Variants in PACRG observed in about 807,000 individuals in gnomAD.
PACRG encodes the protein parkin coregulated.
In PACRG, 29 loss-of-function variants were observed where a neutral mutation model predicts 29.7. The observed-to-expected ratio is 0.98, with a 90% CI of 0.73 to 1.33. The LOEUF (loss-of-function observed/expected upper bound fraction) is 1.33, where lower values mean the gene tolerates loss of function less well. Ranked by LOEUF, PACRG falls within the 40% of genes most tolerant of loss-of-function variation. The pLI is 0.00. For synonymous variants in PACRG, 116 were observed against 118.7 expected, an observed-to-expected ratio of 0.98 and a Z score of 0.15; for missense variants, 279 against 316.2, an observed-to-expected ratio of 0.88 and a Z score of 0.89.
chr6:162,774,851 A>G (rs1172600777), intron 1 of PACRG, among the ~76,000 whole-genome samples: 3 of 152,114 alleles, frequency 2.0e-5, no homozygotes, highest in South Asian at 2.1e-4. Flanking sequence ...TTTTAATTCT[A>G]TATGACCATC....
rs1792983880 is a variant in PACRG at position 162,873,246 on chromosome 6, T to C, written c.291+58965T>C. Among the ~76,000 whole-genome samples, 4 of 152,230 alleles carry C rather than the reference T, an allele frequency of 2.6e-5. 1 individual carries two copies. The South Asian group carries it at 8.3e-4, about 32-fold the overall frequency. On this transcript the variant is annotated intron_variant, in intron 2 of 4. Coordinates refer to ENST00000366888, the MANE Select transcript of PACRG (RefSeq NM_001080379.2). ...TGTGTGTTTAGGTAACTGGGGTACG[T>C]TTCTGGCTTGCCACATCTTCCTCAG... is the stretch of plus-strand genomic sequence containing the variant.
At chr6:162,792,975 AT>A (rs1187995668) in intron 1 of PACRG, among the ~76,000 whole-genome samples, 1 of 152,154 alleles carries the variant, frequency 6.6e-6, no homozygotes, top group Admixed American at 6.5e-5. Context: ...TTGGTTGGCC[AT>A]GAGTATAGGA....
At chr6:162,909,241 G>A (rs948786609) in intron 2 of PACRG, among the ~76,000 whole-genome samples, 5 of 152,024 alleles carry the variant, frequency 3.3e-5, no homozygotes, top group South Asian at 2.1e-4. Flanking sequence ...CTTCCATACC[G>A]TTGTCTTTAT....
intron 4 of PACRG, 51 bp downstream of exon 4, chr6:163,089,459 T>G: frequency 6.3e-7 from 1 of 1,589,324 alleles, no homozygotes; most frequent in Non-Finnish European, 8.6e-7. Flanking sequence ...AAAAAGGGAG[T>G]GGTTTGAAGT....
chr6:163,076,872 C>T (rs1027035530), intron 3 of PACRG, among the ~76,000 whole-genome samples: 2 of 152,134 alleles, frequency 1.3e-5, no homozygotes, highest in African/African-American at 2.4e-5. Context: ...CTTCCCTCCC[C>T]GACATAACTT....
chr6:162,958,438 A>G (rs944886426), intron 2 of PACRG, among the ~76,000 whole-genome samples: 4 of 152,146 alleles, frequency 2.6e-5, no homozygotes, highest in African/African-American at 9.7e-5. Context: ...AGCATACCAG[A>G]CATATTTTTA....
At chr6:163,109,140 T>C (rs1028689408) in intron 4 of PACRG, among the ~76,000 whole-genome samples, 34 of 152,362 alleles carry the variant, frequency 2.2e-4, no homozygotes, top group African/African-American at 5.5e-4. Flanking sequence ...ATATTTCATA[T>C]TGGCAAAGAA....
intron 1 of PACRG, among the ~76,000 whole-genome samples, chr6:162,764,521 A>C (rs911139400): frequency 6.6e-6 from 1 of 151,958 alleles, no homozygotes; most frequent in Admixed American, 6.6e-5. Flanking sequence ...TCTAGCAAAA[A>C]CTCAGCATTA....
chr6:163,148,289 C>G (rs554328953), intron 4 of PACRG, among the ~76,000 whole-genome samples: 3 of 152,290 alleles, frequency 2.0e-5, no homozygotes, highest in South Asian at 2.1e-4. Context: ...AAAACAGTGT[C>G]TGGTATGTAT....
At chr6:163,232,651 G>A (rs150862781) in intron 4 of PACRG, among the ~76,000 whole-genome samples, 110 of 152,270 alleles carry the variant, frequency 7.2e-4, no homozygotes, top group Middle Eastern at 3.4e-3. Context: ...AAGGCACACC[G>A]GGGAAGGTCA....
rs1296304697 is a variant in PACRG at position 162,995,001 on chromosome 6, A to T, written c.292-67149A>T. 9.2e-3 allele frequency among the ~76,000 whole-genome samples: 1,352 copies of T among 147,118 alleles called. 20 individuals are homozygous for T. Among genetic ancestry groups the T allele is most frequent in the African/African-American group, 0.03 (1,123 of 37,100 alleles). On this transcript the variant is annotated intron_variant, in intron 2 of 4. Transcript: ENST00000366888. Reference sequence around the variant, plus strand: ...GCAGGTCTGTTGGAATACCCTGCCGAGTGAGGTGTCAGTGTGCCCCTGCTG... The same window carrying T: ...GCAGGTCTGTTGGAATACCCTGCCGTGTGAGGTGTCAGTGTGCCCCTGCTG...
intron 4 of PACRG, among the ~76,000 whole-genome samples, chr6:163,164,267 G>A (rs1048104573): frequency 2.6e-5 from 4 of 152,120 alleles, no homozygotes; most frequent in South Asian, 4.1e-4. Context: ...AATTCCTTTC[G>A]ATATCTCAGT....
At chr6:162,816,579 C>A (rs1787368044) in intron 2 of PACRG, among the ~76,000 whole-genome samples, 3 of 152,138 alleles carry the variant, frequency 2.0e-5, no homozygotes, top group Non-Finnish European at 4.4e-5. Flanking sequence ...GTCTCGATCT[C>A]CTGACCTCGT....
At chr6:162,817,294 T>C (rs1367407879) in intron 2 of PACRG, among the ~76,000 whole-genome samples, 1 of 152,218 alleles carries the variant, frequency 6.6e-6, no homozygotes, top group Non-Finnish European at 1.5e-5. Context: ...TTGTGTGTTC[T>C]TGAAATAACA....
intron 1 of PACRG, among the ~76,000 whole-genome samples, chr6:162,756,009 A>G (rs2128284894): frequency 6.6e-6 from 1 of 152,232 alleles, no homozygotes; most frequent in Admixed American, 6.5e-5. Flanking sequence ...TCTGAAAAAA[A>G]TACTTAATAT....
chr6:163,148,300 T>C (rs1445714253), intron 4 of PACRG, among the ~76,000 whole-genome samples: 1 of 152,208 alleles, frequency 6.6e-6, no homozygotes, highest in African/African-American at 2.4e-5. Flanking sequence ...TGGTATGTAT[T>C]ATGCACTGTA....
At chr6:163,241,795 G>A (rs375662108) in intron 4 of PACRG, among the ~76,000 whole-genome samples, 3 of 152,160 alleles carry the variant, frequency 2.0e-5, no homozygotes, top group Non-Finnish European at 4.4e-5. Context: ...GGAAAACCAG[G>A]TGAATGAGAG....
intron 4 of PACRG, among the ~76,000 whole-genome samples, chr6:163,308,741 A>G (rs996181314): frequency 6.6e-6 from 1 of 152,018 alleles, no homozygotes; most frequent in African/African-American, 2.4e-5. Context: ...GTCAAGAAAC[A>G]TGATAATAAT....
At chr6:163,118,198 C>G (rs191117574) in intron 4 of PACRG, among the ~76,000 whole-genome samples, 231 of 152,340 alleles carry the variant, frequency 1.5e-3, no homozygotes, top group Admixed American at 3.1e-3. Flanking sequence ...TACTTGCCAC[C>G]TACCTACCCA....
Sources: gnomAD v4.1 joint callset for allele counts (sites outside exome capture counted in the v4.1 genomes callset) on GRCh38, gnomAD v4.1.1 for gene constraint, MANE v1.5 for transcripts, NCBI Gene and HGNC (gene_info 2026-07-23, HGNC 2026-07-21) for gene names.